AMMECR1: variants seen among roughly 807,000 people sequenced by gnomAD.
AMMECR1 encodes the protein nuclear protein AMMECR1.
A neutral mutation model predicts 22.5 loss-of-function variants in AMMECR1; 3 were observed. The ratio of observed to expected loss-of-function variants is 0.13; its 90% CI spans 0.06 to 0.35. The LOEUF is 0.35. Among genes scored for constraint, AMMECR1 ranks in the 10% least tolerant of loss-of-function variants. The pLI, the probability that AMMECR1 is intolerant of heterozygous loss-of-function variation, is 1.00. For missense variants in AMMECR1, 235 were observed against 278.7 expected, an observed-to-expected ratio of 0.84 and a Z score of 1.12; for synonymous variants, 130 against 116.7, an observed-to-expected ratio of 1.11 and a Z score of -0.74.
rs1300887164 is a variant in AMMECR1, at chrX:110,195,586, T to A, written c.*2934A>T. The A allele has an allele frequency of 8.9e-6, 1 of 112,483 alleles. No homozygotes were observed. Among genetic ancestry groups the A allele is most frequent in the Non-Finnish European group, 1.9e-5 (1 of 53,257 alleles). The allele number at this position is 112,483 out of a possible 1,213,427, so 9.3% of individuals were successfully genotyped here. ...CTATGTAAACTTTGTGCTACTCAAATGAAGTTCAAGTATTACTTCTGAGCT... is the reference window on the plus strand; with the variant it reads ...CTATGTAAACTTTGTGCTACTCAAAAGAAGTTCAAGTATTACTTCTGAGCT... On this transcript the variant is annotated 3_prime_UTR_variant, in exon 6 of 6. Transcript: ENST00000262844.
intron 3 of AMMECR1, 56 bp from the exon 4 acceptor site, chrX:110,202,592 A>G (rs1244209735): frequency 3.7e-6 from 3 of 804,431 alleles, no homozygotes; most frequent in Non-Finnish European, 3.7e-6. Flanking sequence ...TCAGAAAGAA[A>G]AGGTTATAAT....
At chrX:110,306,108 C>T (rs1303037514) in intron 1 of AMMECR1, among the ~76,000 whole-genome samples, 1 of 110,521 alleles carries the variant, frequency 9.0e-6, no homozygotes, top group African/African-American at 3.3e-5. Flanking sequence ...GGTGAAACCC[C>T]GTCTCTACTA....
chrX:110,251,978 T>C, intron 2 of AMMECR1, among the ~76,000 whole-genome samples: 1 of 112,254 alleles, frequency 8.9e-6, no homozygotes, highest in Middle Eastern at 4.6e-3. Context: ...ACTACTTAAT[T>C]TCTTCCTGAA....
chrX:110,384,383 A>G (rs1331745558), intron 2 of AMMECR1, among the ~76,000 whole-genome samples: 1 of 111,370 alleles, frequency 9.0e-6, no homozygotes, highest in Non-Finnish European at 1.9e-5. Context: ...TTCCTCATCT[A>G]TAAAATGAGG....
chrX:110,408,431 GAA>G (rs2068617966), intron 2 of AMMECR1, among the ~76,000 whole-genome samples: 1 of 112,581 alleles, frequency 8.9e-6, no homozygotes, highest in Non-Finnish European at 1.9e-5. Context: ...CTTGCAAAAT[GAA>G]AAATAGTCTA....
intron 2 of AMMECR1, among the ~76,000 whole-genome samples, chrX:110,332,900 G>C (rs1014436082): frequency 2.7e-5 from 3 of 111,459 alleles, no homozygotes; most frequent in Non-Finnish European, 3.8e-5. Context: ...CTGCCTTTTA[G>C]TGTGCTAAAG....
intron 2 of AMMECR1, among the ~76,000 whole-genome samples, chrX:110,395,917 G>A (rs1436981401): frequency 8.9e-6 from 1 of 111,761 alleles, no homozygotes; most frequent in Admixed American, 9.4e-5. Context: ...TAGGCTGGGG[G>A]TGGTTCTTGC....
At chrX:110,285,909 G>A (rs2067876682) in intron 1 of AMMECR1, among the ~76,000 whole-genome samples, 1 of 111,346 alleles carries the variant, frequency 9.0e-6, no homozygotes. Flanking sequence ...GAGAGTATAA[G>A]GATACACAAT....
intron 2 of AMMECR1, among the ~76,000 whole-genome samples, chrX:110,348,349 C>T (rs1420943891): frequency 1.8e-5 from 2 of 112,109 alleles, no homozygotes; most frequent in Admixed American, 9.4e-5. Flanking sequence ...CTTGTTTTTC[C>T]TTCTGACCTA....
chrX:110,429,762 G>A (rs1056414166), intron 1 of AMMECR1, among the ~76,000 whole-genome samples: 3 of 112,095 alleles, frequency 2.7e-5, no homozygotes, highest in African/African-American at 9.7e-5. Context: ...GATTACAGGC[G>A]TTGAGCCACC....
chrX:110,238,460 A>G (rs1364260339), intron 2 of AMMECR1, among the ~76,000 whole-genome samples: 1 of 112,484 alleles, frequency 8.9e-6, no homozygotes, highest in African/African-American at 3.2e-5. Context: ...AGGCCACCGC[A>G]GCTCAGCAAA....
chrX:110,410,999 G>GT (rs1208162775), intron 2 of AMMECR1, among the ~76,000 whole-genome samples: 2 of 112,350 alleles, frequency 1.8e-5, no homozygotes, highest in Non-Finnish European at 3.8e-5. Context: ...TCTGCCTCCA[G>GT]TCTTCTGTGT....
chrX:110,272,845 T>A (rs2148203160), intron 1 of AMMECR1, among the ~76,000 whole-genome samples: 1 of 112,394 alleles, frequency 8.9e-6, no homozygotes, highest in East Asian at 2.8e-4. Flanking sequence ...AATTCCATTC[T>A]TTTTTTAATG....
intron 2 of AMMECR1, among the ~76,000 whole-genome samples, chrX:110,404,827 A>T (rs945575367): frequency 9.0e-6 from 1 of 111,516 alleles, no homozygotes; most frequent in African/African-American, 3.3e-5. Flanking sequence ...GTAACTCACG[A>T]TTTTTCTTGG....
chrX:110,439,526 T>A (rs1251207153), intron 1 of AMMECR1, among the ~76,000 whole-genome samples: 1 of 112,142 alleles, frequency 8.9e-6, no homozygotes, highest in Non-Finnish European at 1.9e-5. Flanking sequence ...GTGCTCACAA[T>A]AATAGCTGTG....
chrX:110,352,193 A>G (rs2068213871), intron 2 of AMMECR1, among the ~76,000 whole-genome samples: 1 of 112,414 alleles, frequency 8.9e-6, no homozygotes, highest in South Asian at 3.7e-4. Context: ...GAGTTATTAT[A>G]TGACCCATAA....
At chrX:110,287,875 T>C (rs2067888572) in intron 1 of AMMECR1, among the ~76,000 whole-genome samples, 1 of 111,983 alleles carries the variant, frequency 8.9e-6, no homozygotes, top group East Asian at 2.8e-4. Flanking sequence ...GGGGTCAACT[T>C]AGTACAAGAA....
chrX:110,221,378 C>A (rs1436633559), intron 2 of AMMECR1, among the ~76,000 whole-genome samples: 1 of 111,539 alleles, frequency 9.0e-6, no homozygotes, highest in Admixed American at 9.5e-5. Flanking sequence ...CACTAAGTAG[C>A]AATTTTAGCT....
intron 2 of AMMECR1, among the ~76,000 whole-genome samples, chrX:110,405,660 G>A (rs1224234056): frequency 2.7e-5 from 3 of 111,775 alleles, no homozygotes; most frequent in Non-Finnish European, 5.6e-5. Flanking sequence ...TATGCTAAGT[G>A]TTTTATATAA....
Sources: allele counts gnomAD v4.1 joint callset (sites outside exome capture counted in the v4.1 genomes callset), GRCh38; gene constraint gnomAD v4.1.1; transcripts MANE v1.5; gene names NCBI Gene and HGNC (gene_info 2026-07-23, HGNC 2026-07-21).